Variants in NCKAP5 observed in about 807,000 individuals in gnomAD.
NCKAP5 encodes NCK associated protein 5.
NCKAP5 carries 92 observed loss-of-function variants against 167.0 expected under a neutral mutation model. That is an observed-to-expected ratio of 0.55 (90% CI 0.47 to 0.66). The LOEUF (loss-of-function observed/expected upper bound fraction) is 0.66, where lower values mean the gene tolerates loss of function less well. Ranked by LOEUF, NCKAP5 falls within the 30% of genes least tolerant of loss-of-function variation. The pLI is 0.00. For missense variants in NCKAP5, 2,378 were observed against 2,315.0 expected (o/e 1.03, Z -0.56); for synonymous variants, 891 against 877.4 (o/e 1.02, Z -0.27).
At chr2:132,766,964 T>C (rs1049170445) in intron 16 of NCKAP5, among the ~76,000 whole-genome samples, 3 of 152,216 alleles carry the variant, frequency 2.0e-5, no homozygotes, top group Admixed American at 2.0e-4. Context: ...TAAACGCTTA[T>C]AAGAACAACG....
intron 3 of NCKAP5, among the ~76,000 whole-genome samples, chr2:133,508,964 T>C (rs1477814707): frequency 2.0e-5 from 3 of 152,240 alleles, no homozygotes; most frequent in Admixed American, 2.0e-4. Context: ...TTTTATGTAG[T>C]GATCTCAGCG....
At chr2:133,539,609 C>G (rs1686058632) in intron 2 of NCKAP5, among the ~76,000 whole-genome samples, 1 of 151,662 alleles carries the variant, frequency 6.6e-6, no homozygotes, top group Non-Finnish European at 1.5e-5. Flanking sequence ...GGAAGAAGAT[C>G]TACTATAAAT....
chr2:132,762,867 C>A (rs1157663310), intron 16 of NCKAP5, among the ~76,000 whole-genome samples: 1 of 152,206 alleles, frequency 6.6e-6, no homozygotes, highest in Admixed American at 6.5e-5. Flanking sequence ...TCATAACAAA[C>A]CACTGGGGAC....
chr2:133,088,757 G>T (rs2149624150), intron 6 of NCKAP5, among the ~76,000 whole-genome samples: 1 of 152,230 alleles, frequency 6.6e-6, no homozygotes, highest in South Asian at 2.1e-4. Context: ...AAATAAAAGG[G>T]AAGTCATCTG....
At chr2:133,481,014 G>A (rs1052608939) in intron 3 of NCKAP5, among the ~76,000 whole-genome samples, 9 of 152,070 alleles carry the variant, frequency 5.9e-5, no homozygotes, top group South Asian at 2.1e-4. Flanking sequence ...CAAAAAACCC[G>A]AACTGATTTA....
At chr2:133,209,130 T>C (rs540283737) in intron 5 of NCKAP5, among the ~76,000 whole-genome samples, 1 of 151,984 alleles carries the variant, frequency 6.6e-6, no homozygotes, top group East Asian at 1.9e-4. Context: ...TTCATACTCT[T>C]GGGGTAGGAT....
chr2:133,532,462 A>G (rs1281605630), intron 2 of NCKAP5, among the ~76,000 whole-genome samples: 3 of 152,126 alleles, frequency 2.0e-5, no homozygotes, highest in Admixed American at 6.6e-5. Context: ...TATATCACCC[A>G]TGTTAAAAGT....
At chr2:133,252,828 A>G (rs1212735725) in intron 4 of NCKAP5, among the ~76,000 whole-genome samples, 3 of 152,202 alleles carry the variant, frequency 2.0e-5, no homozygotes, top group Admixed American at 1.3e-4. Flanking sequence ...TTCATGACTT[A>G]CTTGCAACTG....
the NCKAP5 span, among the ~76,000 whole-genome samples, chr2:133,593,441 C>A: frequency 2.0e-5 from 3 of 151,208 alleles, no homozygotes; most frequent in African/African-American, 4.9e-5. Context: ...CACACACACA[C>A]AAGAATATTT....
At chr2:133,277,414 T>C (rs1362682481) in intron 4 of NCKAP5, among the ~76,000 whole-genome samples, 1 of 152,138 alleles carries the variant, frequency 6.6e-6, no homozygotes, top group Non-Finnish European at 1.5e-5. Flanking sequence ...TCATTTACAT[T>C]AGCAACAGAG....
At chr2:133,531,111 T>C (rs1347155317) in intron 2 of NCKAP5, among the ~76,000 whole-genome samples, 1 of 150,132 alleles carries the variant, frequency 6.7e-6, no homozygotes, top group Non-Finnish European at 1.5e-5. Flanking sequence ...CATCCTTCAG[T>C]AAAGGATGTG....
At chr2:133,111,487 A>T (rs1574062724) in intron 6 of NCKAP5, among the ~76,000 whole-genome samples, 2 of 152,336 alleles carry the variant, frequency 1.3e-5, no homozygotes, top group Admixed American at 1.3e-4. Context: ...CCTGTGAATT[A>T]CCAGTGAACA....
the NCKAP5 span, among the ~76,000 whole-genome samples, chr2:133,669,377 T>C: frequency 6.6e-6 from 1 of 152,246 alleles, no homozygotes; most frequent in East Asian, 1.9e-4. Flanking sequence ...TTCAGAGGTC[T>C]TTACTCCACC....
chr2:133,042,062 A>G (rs2079235142), intron 6 of NCKAP5, among the ~76,000 whole-genome samples: 2 of 152,134 alleles, frequency 1.3e-5, no homozygotes, highest in South Asian at 4.1e-4. Context: ...TGATGATTTG[A>G]TTAATCATCT....
At chr2:133,647,382 AG>A in the NCKAP5 span, among the ~76,000 whole-genome samples, 4 of 111,962 alleles carry the variant, frequency 3.6e-5, no homozygotes, top group African/African-American at 1.7e-4. Context: ...AAAGAAAGGA[AG>A]GAAGGAAGGA....
chr2:133,008,906 C>T (rs139828373), intron 6 of NCKAP5, among the ~76,000 whole-genome samples: 4 of 152,240 alleles, frequency 2.6e-5, no homozygotes, highest in Non-Finnish European at 5.9e-5. Context: ...ATTTTTCTGC[C>T]AGCAGCTATG....
the NCKAP5 span, among the ~76,000 whole-genome samples, chr2:133,578,471 C>T: frequency 6.6e-6 from 1 of 152,212 alleles, no homozygotes; most frequent in Non-Finnish European, 1.5e-5. Flanking sequence ...CAGCTGCCAG[C>T]TCCCTCAGGC....
At position 132,994,259 on chromosome 2, in the gene NCKAP5, A is replaced by G. The variant is rs566203367; in HGVS notation, c.342-20T>C. The G allele has an allele frequency of 1.3e-5, 20 of 1,526,382 alleles. No homozygotes were observed. In the East Asian group the frequency reaches 4.8e-4, roughly 36 times the overall value. The allele number at this position is 1,526,382 out of a possible 1,614,324, so 94.6% of individuals were successfully genotyped here. ...TCCATCCTGAGAAACAAAAATATTA[A>G]GAATTTCTTAAAGAAGGTTTCTAAT... On this transcript the variant is annotated intron_variant, in intron 6 of 19. Transcript: ENST00000409261.
intron 2 of NCKAP5, among the ~76,000 whole-genome samples, chr2:133,549,800 A>C (rs1472106176): frequency 2.0e-5 from 3 of 150,980 alleles, no homozygotes; most frequent in African/African-American, 7.3e-5. Context: ...AAATCAATGA[A>C]TCCAGGAGCT....
Sources: allele counts gnomAD v4.1 joint callset (sites outside exome capture counted in the v4.1 genomes callset), GRCh38; gene constraint gnomAD v4.1.1; transcripts MANE v1.5; gene names NCBI Gene and HGNC (gene_info 2026-07-23, HGNC 2026-07-21).